SAG: variants seen among roughly 807,000 people sequenced by gnomAD.
SAG encodes the protein S-arrestin.
A neutral mutation model predicts 55.0 loss-of-function variants in SAG; 45 were observed. The observed-to-expected ratio is 0.82, with a 90% CI of 0.64 to 1.05. SAG has a LOEUF of 1.05. SAG is among the 50% of genes least tolerant of loss of function. SAG has a pLI of 0.00. For synonymous variants in SAG, 189 were observed against 197.4 expected (o/e 0.96, Z 0.36); for missense variants, 455 against 512.1 (o/e 0.89, Z 1.08).
intron 4 of SAG, 59 bp downstream of exon 4, chr2:233,318,854 C>CGGCTCTGGGA (rs1270784345): frequency 6.8e-7 from 1 of 1,477,716 alleles, no homozygotes; most frequent in African/African-American, 1.4e-5. Flanking sequence ...GCTCTCTGGG[C>CGGCTCTGGGA]GGCTCTGGGA....
At chr2:233,318,924 C>A in intron 4 of SAG, 129 bp downstream of exon 4, 1 of 827,718 alleles carries the variant, frequency 1.2e-6, no homozygotes, top group Non-Finnish European at 2.1e-6. Flanking sequence ...GCACATGGAA[C>A]CAGTGCCAGG....
intron 11 of SAG, 125 bp from the exon 12 acceptor site, chr2:233,338,551 A>T: frequency 1.2e-6 from 1 of 808,720 alleles, no homozygotes; most frequent in Admixed American, 2.1e-5. Flanking sequence ...TTGGAAGCTC[A>T]GTGAGTTCAC....
intron 11 of SAG, among the ~76,000 whole-genome samples, chr2:233,335,619 G>A (rs941136172): frequency 6.6e-6 from 1 of 152,186 alleles, no homozygotes; most frequent in African/African-American, 2.4e-5. Flanking sequence ...ATCAGGAATT[G>A]TAAAGAACAG....
At chr2:233,313,875 A>G (rs960818334) in intron 2 of SAG, among the ~76,000 whole-genome samples, 1 of 149,030 alleles carries the variant, frequency 6.7e-6, no homozygotes, top group East Asian at 2.1e-4. Context: ...GCCAGAGGAG[A>G]GTTTTTAAAA....
intron 8 of SAG, 175 bp downstream of exon 8, chr2:233,328,788 G>A: frequency 1.5e-6 from 1 of 651,810 alleles, no homozygotes; most frequent in Non-Finnish European, 2.5e-6. Flanking sequence ...GCCTGGAGCT[G>A]GTCAGCATGG....
At chr2:233,343,437 G>A (rs1046989628) in intron 14 of SAG, 3 of 216,002 alleles carry the variant, frequency 1.4e-5, no homozygotes, top group African/African-American at 7.1e-5. Context: ...GAAAATACTA[G>A]AAAAGAGGGT....
At chr2:233,314,948 T>G (rs1700177334) in intron 2 of SAG, among the ~76,000 whole-genome samples, 1 of 152,170 alleles carries the variant, frequency 6.6e-6, no homozygotes, top group Non-Finnish European at 1.5e-5. Flanking sequence ...CATTCATTGG[T>G]GCACTTGGCA....
In SAG at chr2:233,338,611, C is replaced by T; in HGVS notation, c.945-65C>T. ...GGCATGCCTGCCTCGAATGGAAAGG[C>T]TGCCCATCTGCTCTTCACCCTCCTC... On this transcript the variant is annotated intron_variant, in intron 11 of 15. Coordinates refer to ENST00000409110, the MANE Select transcript of SAG (RefSeq NM_000541.5). 17 of 1,393,324 alleles carry T rather than the reference C, an allele frequency of 1.2e-5. No homozygotes were observed. The South Asian group carries it at 1.9e-4, about 15-fold the overall frequency. 86.3% of individuals were successfully genotyped at this position (1,393,324 alleles called of 1,614,324 possible).
intron 9 of SAG, among the ~76,000 whole-genome samples, chr2:233,330,367 A>G (rs1700709061): frequency 6.6e-6 from 1 of 152,294 alleles, no homozygotes; most frequent in African/African-American, 2.4e-5. Flanking sequence ...AGCCAGGGTG[A>G]GCAGTGGCCC....
rs780987361 is a variant in SAG at position 233,346,788 on chromosome 2, GTTGT to G, written c.1113-12_1113-9del. The G allele has an allele frequency of 1.3e-6, 2 of 1,510,880 alleles. No homozygotes were observed. Among genetic ancestry groups the G allele is most frequent in the South Asian group, 1.2e-5 (1 of 86,826 alleles). 93.6% of individuals were successfully genotyped at this position (1,510,880 alleles called of 1,614,324 possible). On this transcript the variant is annotated splice_polypyrimidine_tract_variant and intron_variant, in intron 15 of 15. Coordinates refer to ENST00000409110, the MANE Select transcript of SAG (RefSeq NM_000541.5). ...TCAAAGGGCGTGCAATGATCAAAAT[GTTGT>G]TTGTTTTATTTTAGTTATCAGGATG...
intron 9 of SAG, among the ~76,000 whole-genome samples, chr2:233,330,809 G>A (rs758371807): frequency 6.6e-5 from 10 of 152,054 alleles, no homozygotes; most frequent in African/African-American, 1.7e-4. Flanking sequence ...TGGGATTACC[G>A]GTGTGAGCCA....
chr2:233,313,862 C>A (rs1421968371), intron 2 of SAG, among the ~76,000 whole-genome samples: 1 of 151,376 alleles, frequency 6.6e-6, no homozygotes, highest in African/African-American at 2.4e-5. Flanking sequence ...GCCACTGTAC[C>A]TGGCCAGAGG....
chr2:233,331,443 G>C (rs1325095958), intron 9 of SAG, 197 bp from the exon 10 acceptor site: 1 of 640,864 alleles, frequency 1.6e-6, no homozygotes, highest in Non-Finnish European at 2.8e-6. Context: ...AGCAGGTTAT[G>C]GGTGACCAGA....
chr2:233,328,889 GC>G (rs1381776494), intron 8 of SAG: 10 of 394,536 alleles, frequency 2.5e-5, no homozygotes, highest in African/African-American at 1.8e-4. Flanking sequence ...TCACATACCT[GC>G]CCCCCAGCTG....
chr2:233,346,495 T>C, intron 15 of SAG, 83 bp downstream of exon 15: 2 of 1,451,130 alleles, frequency 1.4e-6, no homozygotes, highest in Non-Finnish European at 1.9e-6. Context: ...CTTTGAGTCT[T>C]TGCACATATC....
chr2:233,320,615 T>C lies in SAG; in HGVS notation c.182-15T>C. The stretch of plus-strand genomic sequence containing the variant: ...CCGAGGGCCAAGTCCGACCCTGCCT[T>C]CATCTCCCTTGCAGTGTATGTCACT... On this transcript the variant is annotated splice_polypyrimidine_tract_variant and intron_variant, in intron 4 of 15. Coordinates refer to ENST00000409110, the MANE Select transcript of SAG (RefSeq NM_000541.5). The C allele has an allele frequency of 6.4e-7, 1 of 1,561,718 alleles. No individual in the cohort carries two copies.
intron 9 of SAG, 84 bp from the exon 10 acceptor site, chr2:233,331,556 A>G: frequency 1.2e-6 from 1 of 835,858 alleles, no homozygotes. Context: ...AGGAGAGACC[A>G]GCGTGTACCC....
chr2:233,343,526 G>C lies in SAG; in HGVS notation c.1102+1200G>C, dbSNP rs1701167288. On this transcript the variant is annotated intron_variant, in intron 14 of 15. Coordinates refer to ENST00000409110, the MANE Select transcript of SAG (RefSeq NM_000541.5). ...TGTATGGATGCGAAATGATGCAATAGTTGTATGACTCTGAAAACATATAAA... is the reference window on the plus strand; with the variant it reads ...TGTATGGATGCGAAATGATGCAATACTTGTATGACTCTGAAAACATATAAA... 12 of 336,998 alleles carry C rather than the reference G, an allele frequency of 3.6e-5. No homozygotes were observed. In the Admixed American group the frequency reaches 5.6e-4, roughly 16 times the overall value. 20.9% of individuals were successfully genotyped at this position (336,998 alleles called of 1,614,324 possible). A position where few individuals can be genotyped will look rare whatever the true frequency, so the allele number is the denominator to read the frequency against.
intron 9 of SAG, among the ~76,000 whole-genome samples, chr2:233,330,105 C>T (rs2125338559): frequency 6.6e-6 from 1 of 152,318 alleles, no homozygotes; most frequent in Admixed American, 6.5e-5. Context: ...GTGCCTTCTG[C>T]CTGTTGTTCC....
Sources: gnomAD v4.1 joint callset for allele counts (sites outside exome capture counted in the v4.1 genomes callset) on GRCh38, gnomAD v4.1.1 for gene constraint, MANE v1.5 for transcripts, NCBI Gene and HGNC (gene_info 2026-07-23, HGNC 2026-07-21) for gene names.